Variants in ZBBX observed in about 807,000 individuals in gnomAD.
ZBBX encodes zinc finger B-box domain-containing protein 1.
Under a neutral mutation model 108.5 loss-of-function variants are expected in ZBBX, and 101 were observed. The observed-to-expected ratio is 0.93, with a 90% CI of 0.79 to 1.10. The LOEUF (loss-of-function observed/expected upper bound fraction) is 1.10, where lower values mean the gene tolerates loss of function less well. ZBBX is among the 50% of genes least tolerant of loss of function. The probability of loss-of-function intolerance (pLI) is 0.00; values close to 1 mark genes in which losing one functional copy is unlikely to be tolerated. For missense variants in ZBBX, 1,009 were observed against 941.4 expected (o/e 1.07, Z -0.94); for synonymous variants, 356 against 323.4 (o/e 1.10, Z -1.08).
chr3:167,289,086 A>C, intron 18 of ZBBX, 103 bp from the exon 19 acceptor site: 1 of 560,234 alleles, frequency 1.8e-6, no homozygotes, highest in African/African-American at 1.9e-5. Context: ...AACTGAATAA[A>C]GAATATTTAC....
At chr3:167,206,743 CA>C in the ZBBX span, among the ~76,000 whole-genome samples, 4 of 151,974 alleles carry the variant, frequency 2.6e-5, no homozygotes, top group Non-Finnish European at 4.4e-5. Context: ...CATATTATAT[CA>C]CAATGCTATA....
intron 10 of ZBBX, 29 bp downstream of exon 10, chr3:167,333,798 A>G: frequency 6.5e-7 from 1 of 1,532,540 alleles, no homozygotes; most frequent in Non-Finnish European, 8.8e-7. Context: ...ATATGTCAGA[A>G]AATGTCTACT....
chr3:167,329,501 C>A (rs1738030250), intron 10 of ZBBX, among the ~76,000 whole-genome samples: 1 of 152,104 alleles, frequency 6.6e-6, no homozygotes, highest in African/African-American at 2.4e-5. Context: ...CACAGAAACA[C>A]AGGTTAATAA....
intron 20 of ZBBX, among the ~76,000 whole-genome samples, chr3:167,257,735 C>T (rs1283697583): frequency 2.0e-5 from 3 of 152,078 alleles, no homozygotes; most frequent in Non-Finnish European, 4.4e-5. Flanking sequence ...TTTTGATTTG[C>T]ATTTACCTGA....
chr3:167,355,957 G>C (rs1743498014), intron 8 of ZBBX, among the ~76,000 whole-genome samples: 3 of 151,934 alleles, frequency 2.0e-5, no homozygotes, highest in African/African-American at 4.8e-5. Context: ...TGCTTATCTT[G>C]TCTGGGACAT....
chr3:167,297,417 C>A (rs2108172039), intron 18 of ZBBX, among the ~76,000 whole-genome samples: 1 of 152,012 alleles, frequency 6.6e-6, no homozygotes, highest in South Asian at 2.1e-4. Flanking sequence ...TATGTAAAAC[C>A]TAAAACTACA....
At chr3:167,389,060 T>A (rs1045766734) in intron 1 of ZBBX, among the ~76,000 whole-genome samples, 7 of 151,930 alleles carry the variant, frequency 4.6e-5, no homozygotes, top group Admixed American at 4.6e-4. Flanking sequence ...TGCTGCACCT[T>A]TCAACCCACC....
chr3:167,302,567 T>C (rs1011717822), intron 17 of ZBBX, among the ~76,000 whole-genome samples: 1 of 152,118 alleles, frequency 6.6e-6, no homozygotes, highest in Non-Finnish European at 1.5e-5. Flanking sequence ...TTTATTCTAA[T>C]TACTTATATG....
chr3:167,403,495 A>G (rs1456106028), intron 1 of ZBBX, among the ~76,000 whole-genome samples: 1 of 152,184 alleles, frequency 6.6e-6, no homozygotes, highest in Non-Finnish European at 1.5e-5. Flanking sequence ...AAATAATTGA[A>G]GAATGCCAAA....
chr3:167,245,841 G>GT (rs575959330), intron 20 of ZBBX, among the ~76,000 whole-genome samples: 6 of 151,850 alleles, frequency 4.0e-5, no homozygotes, highest in Admixed American at 6.6e-5. Context: ...TAAGTTGTAA[G>GT]TTTTTTTTAT....
intron 19 of ZBBX, 70 bp downstream of exon 19, chr3:167,288,797 T>C (rs927839989): frequency 3.6e-5 from 35 of 978,414 alleles, no homozygotes; most frequent in Non-Finnish European, 4.6e-5. Flanking sequence ...CCTACTAAAC[T>C]GCTAAAAAAG....
At position 167,306,667 on chromosome 3, in the gene ZBBX, C is replaced by T. The variant is rs1294709423; in HGVS notation, c.1418-717G>A. 2.6e-5 allele frequency among the ~76,000 whole-genome samples: 4 copies of T among 152,128 alleles called. No homozygotes were observed. The East Asian group carries it at 5.8e-4, about 22-fold the overall frequency. ...CATTGGTCTTTTGAACTTCCCCTTG[C>T]TAAGTTGTCCAGGTGATTATAGTGG... On this transcript the variant is annotated intron_variant, in intron 16 of 21. Coordinates refer to ENST00000675490, the MANE Select transcript of ZBBX (RefSeq NM_001199201.2).
At chr3:167,250,794 T>C (rs1722457883) in intron 20 of ZBBX, among the ~76,000 whole-genome samples, 2 of 152,056 alleles carry the variant, frequency 1.3e-5, no homozygotes, top group South Asian at 4.1e-4. Flanking sequence ...GAAAGGCAGG[T>C]CCCTGGCTAG....
intron 15 of ZBBX, 34 bp from the exon 16 acceptor site, chr3:167,314,150 T>C (rs766312165): frequency 6.6e-7 from 1 of 1,514,742 alleles, no homozygotes; most frequent in Non-Finnish European, 8.8e-7. Context: ...AATAATAGAG[T>C]TGAAAAAATG....
Position 167,298,297 on chromosome 3 carries a change from A to G in ZBBX, c.1879+8T>C, listed in dbSNP as rs1732021375. The stretch of plus-strand genomic sequence containing the variant: ...AGACTGTTTTAGAAAAATGAGCTAG[A>G]AATTTACCTGCAAGTGTAATCCTAG... On this transcript the variant is annotated splice_region_variant and intron_variant, in intron 18 of 21. Transcript: ENST00000675490. 6.3e-7 allele frequency: 1 copy of G among 1,585,306 alleles called. No individual in the cohort carries two copies. Among genetic ancestry groups the G allele is most frequent in the Admixed American group, 1.8e-5 (1 of 55,238 alleles).
At chr3:167,198,960 G>A in the ZBBX span, among the ~76,000 whole-genome samples, 1 of 152,138 alleles carries the variant, frequency 6.6e-6, no homozygotes, top group Non-Finnish European at 1.5e-5. Context: ...AAAACATAAA[G>A]TTTTAAAAAT....
intron 6 of ZBBX, among the ~76,000 whole-genome samples, chr3:167,365,604 T>C (rs1745196889): frequency 2.6e-5 from 4 of 151,368 alleles, no homozygotes; most frequent in Admixed American, 2.6e-4. Context: ...CTATTTTATA[T>C]ACTTTAAACC....
At chr3:167,180,393 A>T in the ZBBX span, among the ~76,000 whole-genome samples, 2,031 of 152,338 alleles carry the variant, frequency 0.013, 22 homozygotes, top group South Asian at 0.026. Context: ...GATCCCTACG[A>T]ATGGTTACTT....
At chr3:167,213,529 A>G in the ZBBX span, among the ~76,000 whole-genome samples, 1 of 152,170 alleles carries the variant, frequency 6.6e-6, no homozygotes, top group Non-Finnish European at 1.5e-5. Context: ...AAAACCTCCA[A>G]CAATTATGGG....
Sources: allele counts gnomAD v4.1 joint callset (sites outside exome capture counted in the v4.1 genomes callset), GRCh38; gene constraint gnomAD v4.1.1; transcripts MANE v1.5; gene names NCBI Gene and HGNC (gene_info 2026-07-23, HGNC 2026-07-21).